Variants in PAIP1 observed in about 807,000 individuals in gnomAD.
PAIP1 encodes polyadenylate-binding protein-interacting protein 1.
PAIP1 carries 16 observed loss-of-function variants against 61.3 expected under a neutral mutation model. The observed-to-expected ratio is 0.26, with a 90% confidence interval of 0.18 to 0.40. PAIP1 has a LOEUF of 0.40. Ranked by LOEUF, PAIP1 falls within the 10% of genes least tolerant of loss-of-function variation. PAIP1 has a pLI of 1.00. For synonymous variants in PAIP1, 187 were observed against 226.2 expected, an observed-to-expected ratio of 0.83 and a Z score of 1.56; for missense variants, 416 against 600.9, an observed-to-expected ratio of 0.69 and a Z score of 3.22.
rs763256008 is a variant in PAIP1, at chr5:43,553,769, T to C, written c.435+2061A>G. Among the ~76,000 whole-genome samples, 84 of 152,222 alleles carry C rather than the reference T, an allele frequency of 5.5e-4. No homozygotes were observed. In the Middle Eastern group the frequency reaches 0.014, roughly 25 times the overall value. On this transcript the variant is annotated intron_variant, in intron 2 of 10. Transcript: ENST00000306846. ...TGAATGCCTGTAGAATTCAGGTAGA[T>C]TACAAATGAATGAAATAAGCCAGAA...
At chr5:43,548,180 T>A (rs1747721682) in intron 2 of PAIP1, among the ~76,000 whole-genome samples, 1 of 152,226 alleles carries the variant, frequency 6.6e-6, no homozygotes, top group African/African-American at 2.4e-5. Flanking sequence ...GAATAAAGTT[T>A]AAACCAATAT....
At chr5:43,556,165 G>A (rs764039286) in intron 1 of PAIP1, 166 bp from the exon 2 acceptor site, 33 of 1,406,642 alleles carry the variant, frequency 2.3e-5, no homozygotes, top group Non-Finnish European at 2.7e-5. Flanking sequence ...CCTACAAAAA[G>A]GAACAATAGA....
chr5:43,535,710 T>A, intron 6 of PAIP1, 70 bp from the exon 7 acceptor site: 1 of 812,478 alleles, frequency 1.2e-6, no homozygotes, highest in Non-Finnish European at 2.1e-6. Context: ...AAGATACCAG[T>A]AACAGTTCAA....
chr5:43,556,138 G>T, intron 1 of PAIP1, 139 bp from the exon 2 acceptor site: 1 of 1,435,832 alleles, frequency 7.0e-7, no homozygotes, highest in Non-Finnish European at 9.2e-7. Flanking sequence ...GGTTATCGCC[G>T]GAATGTGTAC....
rs534053996 is a variant in PAIP1, at chr5:43,528,918, T to C, written c.1346+868A>G. ...GTGCACTCTGATGGTAAGTGAGTAA[T>C]ATGTTTAAAGGGATCTTTAATTACA... On this transcript the variant is annotated intron_variant, in intron 10 of 10. Coordinates refer to ENST00000306846, the MANE Select transcript of PAIP1 (RefSeq NM_006451.5). Among the ~76,000 whole-genome samples the C allele has an allele frequency of 1.6e-4, 25 of 152,244 alleles. No homozygotes were observed. The South Asian group carries it at 5.0e-3, about 30-fold the overall frequency.
intron 10 of PAIP1, 63 bp from the exon 11 acceptor site, chr5:43,527,532 T>A: frequency 4.9e-6 from 7 of 1,425,670 alleles, no homozygotes; most frequent in African/African-American, 4.3e-5. Context: ...AGATGCTAAA[T>A]CATGAAAAAA....
At chr5:43,531,484 TAAA>T (rs61298106) in intron 9 of PAIP1, among the ~76,000 whole-genome samples, 7 of 123,422 alleles carry the variant, frequency 5.7e-5, no homozygotes, top group Non-Finnish European at 3.4e-5. Flanking sequence ...CCTGTCTCAA[TAAA>T]AAAAAAAAAA....
chr5:43,539,106 T>G, intron 4 of PAIP1, 71 bp from the exon 5 acceptor site: 3 of 1,020,830 alleles, frequency 2.9e-6, no homozygotes, highest in Non-Finnish European at 4.6e-6. Flanking sequence ...AATAACCATT[T>G]GTCAGTTTGG....
chr5:43,539,246 A>G (rs1017772349), intron 4 of PAIP1, among the ~76,000 whole-genome samples: 22 of 142,304 alleles, frequency 1.5e-4, no homozygotes, highest in African/African-American at 5.8e-4. Context: ...GAAAAAACTG[A>G]TAGTTTTATT....
chr5:43,544,938 A>G (rs1175076377), intron 3 of PAIP1, among the ~76,000 whole-genome samples: 1 of 152,214 alleles, frequency 6.6e-6, no homozygotes, highest in Admixed American at 6.5e-5. Context: ...GTTTCCCATC[A>G]TGGAAGATGA....
rs1748119053 is a variant in PAIP1 at position 43,556,879 on chromosome 5, C to G, written c.-33G>C. On this transcript the variant is annotated 5_prime_UTR_variant, in exon 1 of 11. Transcript: ENST00000306846. ...CTCCTCCGCCTCCTCCTCCAGGGGC[C>G]GCTGCCGCTGCGCTCGCGATAGGAC... is the stretch of plus-strand genomic sequence containing the variant. 3 of 1,367,320 alleles carry G rather than the reference C, an allele frequency of 2.2e-6. No homozygotes were observed. The highest frequency in any genetic ancestry group is 2.8e-6 in the Non-Finnish European group (3 of 1,064,064). The allele number at this position is 1,367,320 out of a possible 1,614,324, so 84.7% of individuals were successfully genotyped here. A position where few individuals can be genotyped will look rare whatever the true frequency, so the allele number is the denominator to read the frequency against.
intron 2 of PAIP1, among the ~76,000 whole-genome samples, chr5:43,550,981 C>G (rs867000154): frequency 6.6e-6 from 1 of 151,764 alleles, no homozygotes; most frequent in South Asian, 2.1e-4. Flanking sequence ...GCACACAGGC[C>G]CCAAGGAGGC....
At chr5:43,556,124 TTA>T (rs1260164358) in intron 1 of PAIP1, 125 bp from the exon 2 acceptor site, 4 of 1,456,858 alleles carry the variant, frequency 2.7e-6, no homozygotes, top group Admixed American at 4.8e-5. Flanking sequence ...ATCATGAAAT[TTA>T]TGGTTATCGC....
intron 2 of PAIP1, among the ~76,000 whole-genome samples, chr5:43,551,092 G>A (rs918311085): frequency 4.6e-5 from 7 of 152,182 alleles, no homozygotes; most frequent in Admixed American, 3.3e-4. Context: ...AGAGGGCTTT[G>A]GGGGCCAAAT....
At chr5:43,531,484 T>TAA (rs61298106) in intron 9 of PAIP1, among the ~76,000 whole-genome samples, 7 of 123,440 alleles carry the variant, frequency 5.7e-5, no homozygotes, top group East Asian at 2.4e-4. Flanking sequence ...CCTGTCTCAA[T>TAA]AAAAAAAAAA....
At chr5:43,536,784 T>C (rs1238481076) in intron 6 of PAIP1, 35 bp downstream of exon 6, 1 of 1,098,518 alleles carries the variant, frequency 9.1e-7, no homozygotes, top group East Asian at 2.4e-5. Flanking sequence ...CATAAGTAAA[T>C]ACGTAAATTA....
Position 43,556,793 on chromosome 5 carries a change from GCCCCGGCTCCGGCCCCGACCAGCA to G in PAIP1, c.30_53del (p.Ala11_Gly18del). Reference sequence around the variant, plus strand: ...CAGGCCCGCCCCCTCCGCGGCCCAGGCCCCGGCTCCGGCCCCGACCAGCACCTGGGGCCCGATCGAAACCGTCCG... The same window carrying G: ...CAGGCCCGCCCCCTCCGCGGCCCAGGCCTGGGGCCCGATCGAAACCGTCCG... On this transcript the variant is annotated inframe_deletion, in exon 1 of 11. Coordinates refer to ENST00000306846, the MANE Select transcript of PAIP1 (RefSeq NM_006451.5). The G allele has an allele frequency of 1.2e-5, 17 of 1,452,440 alleles. No homozygotes were observed. Among genetic ancestry groups the G allele is most frequent in the Non-Finnish European group, 1.5e-5 (17 of 1,105,784 alleles). The allele number at this position is 1,452,440 out of a possible 1,614,324, so 90.0% of individuals were successfully genotyped here. A position where few individuals can be genotyped will look rare whatever the true frequency, so the allele number is the denominator to read the frequency against.
chr5:43,534,903 T>G lies in PAIP1; in HGVS notation c.1147A>C (p.Thr383Pro). 6.2e-7 allele frequency: 1 copy of G among 1,608,274 alleles called. No individual in the cohort carries two copies. Among genetic ancestry groups the G allele is most frequent in the South Asian group, 1.1e-5 (1 of 90,956 alleles). Residue 383 changes from threonine (T) to proline (P), a missense_variant, in exon 8 of 11, where the codon ACT (threonine) becomes CCT (proline). By Grantham distance (38) the Thr-to-Pro change is conservative. Around this residue, in one of 4 missense-constraint regions of PAIP1, gnomAD observed 135 missense variants for 283.9 expected, o/e 0.48. Coordinates refer to ENST00000306846, the MANE Select transcript of PAIP1 (RefSeq NM_006451.5). The stretch of plus-strand genomic sequence containing the variant: ...GGTGTTGCTTCTCTATATGTTGAAG[T>G]TGCATGGACTCTGCCCCAGTTACTT... ...RSSNWGRVHA[T>P]STYREATPEN...
intron 7 of PAIP1, 87 bp downstream of exon 7, chr5:43,535,447 C>T: frequency 4.0e-6 from 3 of 753,840 alleles, no homozygotes; most frequent in Non-Finnish European, 2.3e-6. Context: ...ACTTACCCTG[C>T]TGAAGTATAG....
Sources: gnomAD v4.1 joint callset for allele counts (sites outside exome capture counted in the v4.1 genomes callset) on GRCh38, gnomAD v4.1.1 for gene constraint, gnomAD v4.1.1 regional missense constraint, MANE v1.5 for transcripts, NCBI Gene and HGNC (gene_info 2026-07-23, HGNC 2026-07-21) for gene names.